Variants in MDGA2 observed in about 807,000 individuals in gnomAD.
The protein encoded by MDGA2 is MAM domain containing glycosylphosphatidylinositol anchor 2.
MDGA2 carries 40 observed loss-of-function variants against 117.8 expected under a neutral mutation model. That is an observed-to-expected ratio of 0.34 (90% CI 0.26 to 0.44). MDGA2 has a LOEUF of 0.44. MDGA2 is among the 20% of genes least tolerant of loss of function. MDGA2 has a pLI of 1.00. For missense variants in MDGA2, 1,123 were observed against 1,250.6 expected (o/e 0.90, Z 1.54); for synonymous variants, 452 against 439.0 (o/e 1.03, Z -0.37).
At chr14:47,296,334 C>T (rs1037023761) in intron 2 of MDGA2, among the ~76,000 whole-genome samples, 1 of 152,166 alleles carries the variant, frequency 6.6e-6, no homozygotes, top group Middle Eastern at 3.4e-3. Flanking sequence ...AACTTGAGAA[C>T]AAAAGTATCT....
chr14:47,599,924 C>T (rs1014017164), intron 1 of MDGA2, among the ~76,000 whole-genome samples: 1 of 152,096 alleles, frequency 6.6e-6, no homozygotes, highest in African/African-American at 2.4e-5. Context: ...AGACAACCTA[C>T]TGCATATTTC....
chr14:47,630,353 A>G (rs575369009), intron 1 of MDGA2, among the ~76,000 whole-genome samples: 59 of 152,324 alleles, frequency 3.9e-4, no homozygotes, highest in African/African-American at 1.4e-3. Context: ...ATTTGAGTAT[A>G]TATGTATGTA....
chr14:47,026,337 ACT>A (rs1888472781), intron 8 of MDGA2, among the ~76,000 whole-genome samples: 1 of 151,936 alleles, frequency 6.6e-6, no homozygotes. Context: ...TAATTAAAGT[ACT>A]CTTTTGACAA....
intron 1 of MDGA2, among the ~76,000 whole-genome samples, chr14:47,540,218 T>G (rs1260305596): frequency 6.6e-6 from 1 of 152,030 alleles, no homozygotes; most frequent in African/African-American, 2.4e-5. Context: ...TTTCACCGTG[T>G]TAGCCAGGAT....
intron 2 of MDGA2, among the ~76,000 whole-genome samples, chr14:47,271,079 T>C (rs1888129124): frequency 6.6e-6 from 1 of 152,114 alleles, no homozygotes; most frequent in African/African-American, 2.4e-5. Flanking sequence ...CAGTAGAAAA[T>C]GCAAGGTTTT....
intron 1 of MDGA2, among the ~76,000 whole-genome samples, chr14:47,609,619 G>A (rs1200215432): frequency 1.3e-5 from 2 of 150,676 alleles, no homozygotes; most frequent in Non-Finnish European, 1.5e-5. Context: ...TGGGATTGCT[G>A]GATCAAATGG....
rs543541697 is a variant in MDGA2, at chr14:47,661,729, C to G, written c.280+12788G>C. ...TTTCTCTTTTGTCAACTGCAAAAAA[C>G]GAAGTAATCAGAGTTTCTTTTTTTT... On this transcript the variant is annotated intron_variant, in intron 1 of 16. Coordinates refer to ENST00000399232, the MANE Select transcript of MDGA2 (RefSeq NM_001113498.3). Among the ~76,000 whole-genome samples the G allele has an allele frequency of 3.4e-4, 50 of 145,164 alleles. No individual in the cohort carries two copies. The South Asian group carries it at 0.011, about 32-fold the overall frequency.
chr14:47,622,585 C>T (rs1020897171), intron 1 of MDGA2, among the ~76,000 whole-genome samples: 16 of 151,842 alleles, frequency 1.1e-4, no homozygotes, highest in African/African-American at 3.9e-4. Context: ...AAACAAATAA[C>T]ACCATCTGTT....
At chr14:47,048,196 T>G (rs1889331813) in intron 7 of MDGA2, among the ~76,000 whole-genome samples, 1 of 152,020 alleles carries the variant, frequency 6.6e-6, no homozygotes, top group Non-Finnish European at 1.5e-5. Context: ...AAGGTCAGGG[T>G]GTTGCCATGA....
intron 1 of MDGA2, among the ~76,000 whole-genome samples, chr14:47,334,807 T>C (rs1227405079): frequency 6.6e-6 from 1 of 151,824 alleles, no homozygotes; most frequent in Non-Finnish European, 1.5e-5. Flanking sequence ...GCTCAGAAAG[T>C]TTATCTAATG....
chr14:47,327,286 C>T (rs182030160), intron 1 of MDGA2, among the ~76,000 whole-genome samples: 65 of 152,322 alleles, frequency 4.3e-4, no homozygotes, highest in African/African-American at 1.5e-3. Context: ...CATCAAGGAA[C>T]AAAGCCAGGT....
intron 9 of MDGA2, among the ~76,000 whole-genome samples, chr14:46,938,591 T>C (rs1455446784): frequency 2.2e-5 from 3 of 136,470 alleles, no homozygotes; most frequent in Non-Finnish European, 3.2e-5. Context: ...TTAGAACAGC[T>C]ATTATGAAAA....
At chr14:47,032,460 A>T (rs1387514649) in intron 8 of MDGA2, among the ~76,000 whole-genome samples, 1 of 151,930 alleles carries the variant, frequency 6.6e-6, no homozygotes, top group Non-Finnish European at 1.5e-5. Context: ...GGAGGTGCAC[A>T]CTTGTAGTCC....
At chr14:47,101,851 CAG>C (rs1454851419) in intron 5 of MDGA2, among the ~76,000 whole-genome samples, 1 of 151,986 alleles carries the variant, frequency 6.6e-6, no homozygotes, top group East Asian at 1.9e-4. Flanking sequence ...ATAGTAGAGA[CAG>C]ATACATATTT....
At chr14:46,975,462 T>C (rs957516988) in intron 8 of MDGA2, among the ~76,000 whole-genome samples, 1 of 152,104 alleles carries the variant, frequency 6.6e-6, no homozygotes, top group Non-Finnish European at 1.5e-5. Context: ...AACAGATGAA[T>C]GGATAAGCAA....
intron 1 of MDGA2, among the ~76,000 whole-genome samples, chr14:47,567,017 G>C (rs1446423985): frequency 1.3e-5 from 2 of 151,520 alleles, no homozygotes; most frequent in Non-Finnish European, 2.9e-5. Context: ...TGATCTTCCT[G>C]CCTCAGCATC....
chr14:47,625,710 G>A (rs113313237), intron 1 of MDGA2, among the ~76,000 whole-genome samples: 3,670 of 152,134 alleles, frequency 0.024, 72 homozygotes, highest in Non-Finnish European at 0.038. Context: ...ATTTCCCTAC[G>A]TCAAGTCTTA....
chr14:47,644,766 G>GC (rs1897493877), intron 1 of MDGA2, among the ~76,000 whole-genome samples: 1 of 151,922 alleles, frequency 6.6e-6, no homozygotes, highest in African/African-American at 2.4e-5. Context: ...CATGCTAAAT[G>GC]CCCTGATTTG....
intron 1 of MDGA2, among the ~76,000 whole-genome samples, chr14:47,307,441 G>A (rs575057075): frequency 1.2e-4 from 18 of 152,272 alleles, no homozygotes; most frequent in African/African-American, 4.3e-4. Flanking sequence ...AGGACTTTGG[G>A]AGTCCGAGGC....
Sources: allele counts gnomAD v4.1 joint callset (sites outside exome capture counted in the v4.1 genomes callset), GRCh38; gene constraint gnomAD v4.1.1; transcripts MANE v1.5; gene names NCBI Gene and HGNC (gene_info 2026-07-23, HGNC 2026-07-21).